Variants in NCAM2 observed in about 807,000 individuals in gnomAD.
NCAM2 encodes neural cell adhesion molecule 2.
In NCAM2, 30 loss-of-function variants were observed where a neutral mutation model predicts 98.1. The observed-to-expected ratio is 0.31, with a 90% CI of 0.23 to 0.41. The LOEUF is 0.41. NCAM2 is among the 10% of genes least tolerant of loss of function. The probability of loss-of-function intolerance (pLI) is 1.00; values close to 1 mark genes in which losing one functional copy is unlikely to be tolerated. For missense variants in NCAM2, 867 were observed against 1,005.8 expected (o/e 0.86, Z 1.87); for synonymous variants, 368 against 342.4 (o/e 1.07, Z -0.83).
intron 8 of NCAM2, among the ~76,000 whole-genome samples, chr21:21,357,875 T>G (rs1180433581): frequency 6.6e-6 from 1 of 152,128 alleles, no homozygotes; most frequent in Non-Finnish European, 1.5e-5. Flanking sequence ...ATAAACTTAA[T>G]AAAATACTTT....
rs561646083 is a variant in NCAM2, at chr21:21,335,647, G to A, written c.880G>A (p.Ala294Thr). 6.2e-7 allele frequency: 1 copy of A among 1,606,364 alleles called. No individual in the cohort carries two copies. The highest frequency in any genetic ancestry group is 2.2e-5 in the East Asian group (1 of 44,498). ...TAAGGCAGGAGAAGATGAAAAGCAA[G>A]CTTTCCTCCAAGTCTTTGGTAAGTA... ...TNKAGEDEKQAFLQVFVQPHI... is the reference protein window; with the variant it reads ...TNKAGEDEKQTFLQVFVQPHI... The change falls in exon 7 of 18, where the codon GCT (alanine) becomes ACT (threonine). Residue 294 changes from alanine to threonine, a missense_variant. Coordinates refer to ENST00000400546, the MANE Select transcript of NCAM2 (RefSeq NM_004540.5).
At chr21:21,396,634 C>T (rs112582209) in intron 9 of NCAM2, among the ~76,000 whole-genome samples, 1 of 152,138 alleles carries the variant, frequency 6.6e-6, no homozygotes, top group Non-Finnish European at 1.5e-5. Flanking sequence ...AGCCACTGGG[C>T]CCAGCCAGGC....
intron 1 of NCAM2, among the ~76,000 whole-genome samples, chr21:21,028,088 C>T (rs2064592284): frequency 6.6e-6 from 1 of 152,104 alleles, no homozygotes; most frequent in African/African-American, 2.4e-5. Context: ...GTCTGGAACT[C>T]CCGACCTCAG....
At chr21:21,345,997 G>C (rs116715298) in intron 8 of NCAM2, among the ~76,000 whole-genome samples, 1 of 151,920 alleles carries the variant, frequency 6.6e-6, no homozygotes, top group Non-Finnish European at 1.5e-5. Context: ...GAAGACCACA[G>C]AACAACCAGA....
chr21:21,479,608 A>AAAT (rs1491473437), intron 15 of NCAM2, among the ~76,000 whole-genome samples: 24 of 127,996 alleles, frequency 1.9e-4, no homozygotes, highest in African/African-American at 5.8e-4. Flanking sequence ...AAAAAAAAAA[A>AAAT]TTGTTGATGA....
At chr21:21,001,911 A>G (rs2064025370) in intron 1 of NCAM2, among the ~76,000 whole-genome samples, 1 of 152,296 alleles carries the variant, frequency 6.6e-6, no homozygotes, top group African/African-American at 2.4e-5. Flanking sequence ...TGTACCTTCT[A>G]AAAATAGAGC....
At position 21,066,953 on chromosome 21, in the gene NCAM2, G is replaced by A. The variant is rs111737444; in HGVS notation, c.55+68335G>A. Among the ~76,000 whole-genome samples, 56 of 151,928 alleles carry A rather than the reference G, an allele frequency of 3.7e-4. 1 individual carries two copies. The highest frequency in any genetic ancestry group is 1.3e-3 in the African/African-American group (54 of 41,486). The stretch of plus-strand genomic sequence containing the variant: ...TGTGTTAGAGATACTCATTCCACTG[G>A]GGGTATTACCTTAATGTTAACTAAA... On this transcript the variant is annotated intron_variant, in intron 1 of 17. Transcript: ENST00000400546.
intron 2 of NCAM2, among the ~76,000 whole-genome samples, chr21:21,282,365 C>T (rs2072959331): frequency 6.6e-6 from 1 of 151,662 alleles, no homozygotes; most frequent in Non-Finnish European, 1.5e-5. Context: ...TGAATTAAGG[C>T]CATTCATTGG....
rs565497157 is a variant in NCAM2, at chr21:21,186,435, T to G, written c.56-94143T>G. 7.2e-5 allele frequency among the ~76,000 whole-genome samples: 11 copies of G among 152,232 alleles called. No individual in the cohort carries two copies. In the South Asian group the frequency reaches 1.0e-3, roughly 14 times the overall value. The stretch of plus-strand genomic sequence containing the variant: ...TGGCATCTAATTAAATTCATAATTT[T>G]GGGAATAATTTTATTTTTATAAAAT... On this transcript the variant is annotated intron_variant, in intron 1 of 17. Transcript: ENST00000400546.
intron 9 of NCAM2, among the ~76,000 whole-genome samples, chr21:21,385,949 C>T (rs1173484083): frequency 2.6e-5 from 4 of 151,916 alleles, no homozygotes; most frequent in African/African-American, 9.7e-5. Context: ...GCTGCACCTG[C>T]CTTTAATTCT....
chr21:21,323,605 G>T (rs2074433492), intron 5 of NCAM2, among the ~76,000 whole-genome samples: 1 of 152,108 alleles, frequency 6.6e-6, no homozygotes, highest in African/African-American at 2.4e-5. Flanking sequence ...AGCTTCTATT[G>T]TGGATGCTAG....
At chr21:21,275,598 C>T (rs182296137) in intron 1 of NCAM2, among the ~76,000 whole-genome samples, 1 of 152,024 alleles carries the variant, frequency 6.6e-6, no homozygotes, top group African/African-American at 2.4e-5. Context: ...TAGTAAAATT[C>T]TTTGTCATAT....
At chr21:21,476,353 T>C (rs1397083042) in intron 14 of NCAM2, among the ~76,000 whole-genome samples, 3 of 152,094 alleles carry the variant, frequency 2.0e-5, no homozygotes, top group African/African-American at 7.2e-5. Flanking sequence ...TAAGTGGTTA[T>C]GATCTCTAAG....
intron 8 of NCAM2, among the ~76,000 whole-genome samples, chr21:21,364,618 A>G (rs1329159208): frequency 6.6e-6 from 1 of 151,990 alleles, no homozygotes; most frequent in Non-Finnish European, 1.5e-5. Flanking sequence ...ACACATGTAT[A>G]TACATGTATA....
In NCAM2 at chr21:21,321,474, T is replaced by G. The variant is rs544455278; in HGVS notation, c.620-2909T>G. On this transcript the variant is annotated intron_variant, in intron 5 of 17. Transcript: ENST00000400546. ...GCAATTGCTTTTGAGGACTTAGCCA[T>G]AAATTCTTTGCCAAAGCCAGTGTCG... 7.2e-5 allele frequency among the ~76,000 whole-genome samples: 11 copies of G among 152,270 alleles called. No homozygotes were observed. In the East Asian group the frequency reaches 1.5e-3, roughly 21 times the overall value.
At chr21:21,095,844 TC>T (rs2066111543) in intron 1 of NCAM2, among the ~76,000 whole-genome samples, 3 of 151,814 alleles carry the variant, frequency 2.0e-5, no homozygotes, top group Admixed American at 1.3e-4. Flanking sequence ...TTTATTTATC[TC>T]CCTTTATATT....
chr21:21,153,172 A>ATTT (rs1312165507), intron 1 of NCAM2, among the ~76,000 whole-genome samples: 3 of 139,608 alleles, frequency 2.1e-5, no homozygotes, highest in African/African-American at 7.8e-5. Context: ...AAAATTCACT[A>ATTT]TTTTTTTTTT....
At chr21:21,156,973 T>A (rs192782797) in intron 1 of NCAM2, among the ~76,000 whole-genome samples, 8 of 152,248 alleles carry the variant, frequency 5.3e-5, no homozygotes, top group Admixed American at 2.0e-4. Context: ...AAAATCCCAA[T>A]TATTATTGGT....
intron 4 of NCAM2, among the ~76,000 whole-genome samples, chr21:21,289,252 A>G (rs910409586): frequency 6.6e-6 from 1 of 151,954 alleles, no homozygotes; most frequent in East Asian, 1.9e-4. Context: ...CACAGGATCT[A>G]TGCTGTAGTG....
Sources: gnomAD v4.1 joint callset for allele counts (sites outside exome capture counted in the v4.1 genomes callset) on GRCh38, gnomAD v4.1.1 for gene constraint, MANE v1.5 for transcripts, NCBI Gene and HGNC (gene_info 2026-07-23, HGNC 2026-07-21) for gene names.